The following CTNNA3 variants were observed in gnomAD, a reference collection of about 807,000 sequenced individuals.
CTNNA3 encodes catenin alpha 3, also known as catenin alpha-3.
Under a neutral mutation model 95.7 loss-of-function variants are expected in CTNNA3, and 76 were observed. The ratio of observed to expected loss-of-function variants is 0.79; its 90% CI spans 0.66 to 0.96. The LOEUF (loss-of-function observed/expected upper bound fraction) is 0.96, where lower values mean the gene tolerates loss of function less well. Among genes scored for constraint, CTNNA3 ranks in the 40% least tolerant of loss-of-function variants. CTNNA3 has a pLI of 0.00. For missense variants in CTNNA3, 1,191 were observed against 1,089.8 expected, an observed-to-expected ratio of 1.09 and a Z score of -1.31; for synonymous variants, 431 against 374.4, an observed-to-expected ratio of 1.15 and a Z score of -1.74.
intron 13 of CTNNA3, among the ~76,000 whole-genome samples, chr10:66,278,763 T>C (rs2091443519): frequency 1.3e-5 from 2 of 152,092 alleles, no homozygotes; most frequent in Admixed American, 1.3e-4. Flanking sequence ...TATTCTCAAA[T>C]ATCCACTCAG....
chr10:66,610,478 A>G (rs561208504), intron 10 of CTNNA3, among the ~76,000 whole-genome samples: 11 of 151,798 alleles, frequency 7.2e-5, no homozygotes, highest in South Asian at 2.1e-4. Context: ...CATGTTGGGG[A>G]AAAAAAAGTC....
In CTNNA3 at chr10:67,584,958, C is replaced by T. The variant is rs140686159; in HGVS notation, c.292+21899G>A. ...GGGCGTGTCCTGATTTTCCAGGTAC[C>T]GTCTGTCACGGCTTTCCTTGGCTAA... On this transcript the variant is annotated intron_variant, in intron 3 of 17. Coordinates refer to ENST00000433211, the MANE Select transcript of CTNNA3 (RefSeq NM_013266.4). 4.2e-3 allele frequency among the ~76,000 whole-genome samples: 634 copies of T among 152,260 alleles called. 4 individuals carry two copies. The highest frequency in any genetic ancestry group is 0.014 in the African/African-American group (588 of 41,560).
Position 66,547,631 on chromosome 10 carries a change from T to C in CTNNA3, c.1375-26858A>G, listed in dbSNP as rs1842080405. 7.9e-5 allele frequency among the ~76,000 whole-genome samples: 12 copies of C among 151,686 alleles called. 1 individual carries two copies. The South Asian group carries it at 2.5e-3, about 32-fold the overall frequency. ...TGCTGGGATTACAGGCATGAGCCAC[T>C]GCACCCAGCCTGATTTTTCTATATG... On this transcript the variant is annotated intron_variant, in intron 10 of 17. Coordinates refer to ENST00000433211, the MANE Select transcript of CTNNA3 (RefSeq NM_013266.4).
chr10:66,024,138 G>A (rs2133436805), intron 15 of CTNNA3, among the ~76,000 whole-genome samples: 1 of 125,254 alleles, frequency 8.0e-6, no homozygotes, highest in South Asian at 2.6e-4. Flanking sequence ...CGCCCAGGCT[G>A]GAGTGCAGCG....
chr10:66,592,686 T>C (rs940733793), intron 10 of CTNNA3, among the ~76,000 whole-genome samples: 6 of 151,996 alleles, frequency 3.9e-5, no homozygotes, highest in Non-Finnish European at 5.9e-5. Context: ...TTAGTGTGGG[T>C]TGAAGAATGG....
At chr10:67,397,309 A>C (rs146590371) in intron 5 of CTNNA3, among the ~76,000 whole-genome samples, 1 of 152,166 alleles carries the variant, frequency 6.6e-6, no homozygotes, top group Non-Finnish European at 1.5e-5. Flanking sequence ...ATGGACAATA[A>C]AGTCCAGGCT....
chr10:67,004,304 A>C (rs1851848697), intron 7 of CTNNA3, among the ~76,000 whole-genome samples: 1 of 152,200 alleles, frequency 6.6e-6, no homozygotes, highest in African/African-American at 2.4e-5. Flanking sequence ...GAAAGTCAAA[A>C]CATGGACAAA....
At chr10:67,692,581 T>C (rs1190923940) in intron 1 of CTNNA3, among the ~76,000 whole-genome samples, 1 of 137,350 alleles carries the variant, frequency 7.3e-6, no homozygotes, top group East Asian at 2.0e-4. Flanking sequence ...TAATCTCAAG[T>C]ACCCAGGGAC....
intron 3 of CTNNA3, among the ~76,000 whole-genome samples, chr10:67,550,581 ATTCT>A (rs1488170176): frequency 2.0e-5 from 3 of 151,746 alleles, no homozygotes; most frequent in African/African-American, 7.2e-5. Flanking sequence ...GAATAAAGAA[ATTCT>A]TTTTTTAAAG....
chr10:66,926,262 T>G (rs1404307754), intron 7 of CTNNA3: 1 of 368,464 alleles, frequency 2.7e-6, no homozygotes, highest in Non-Finnish European at 5.1e-6. Context: ...TAGGATCCAG[T>G]TTTTTTTTTA....
At chr10:66,876,278 T>C (rs1190851526) in intron 7 of CTNNA3, among the ~76,000 whole-genome samples, 1 of 152,048 alleles carries the variant, frequency 6.6e-6, no homozygotes, top group African/African-American at 2.4e-5. Context: ...GAGCATATAT[T>C]AGGATAAACA....
At chr10:66,310,356 A>G (rs2092000526) in intron 12 of CTNNA3, among the ~76,000 whole-genome samples, 1 of 152,184 alleles carries the variant, frequency 6.6e-6, no homozygotes, top group Non-Finnish European at 1.5e-5. Flanking sequence ...TTTATCCGAT[A>G]TCATATGGAC....
Position 66,437,842 on chromosome 10 carries a change from C to A in CTNNA3, c.1532-58490G>T, listed in dbSNP as rs537664176. Among the ~76,000 whole-genome samples, 7 of 152,194 alleles carry A rather than the reference C, an allele frequency of 4.6e-5. No individual in the cohort carries two copies. In the South Asian group the frequency reaches 1.2e-3, roughly 27 times the overall value. On this transcript the variant is annotated intron_variant, in intron 11 of 17. Transcript: ENST00000433211. ...TCCTCATCTTTGTGGATTTATCTAC[C>A]TTTGGTCTTTGACGTTGGTGATCTT...
At chr10:66,642,379 T>C (rs1365609027) in intron 9 of CTNNA3, among the ~76,000 whole-genome samples, 2 of 151,900 alleles carry the variant, frequency 1.3e-5, no homozygotes, top group African/African-American at 4.8e-5. Context: ...TACTTGAATA[T>C]ATTCACAGAA....
At chr10:67,560,272 GACTA>G (rs1841454225) in intron 3 of CTNNA3, among the ~76,000 whole-genome samples, 1 of 151,272 alleles carries the variant, frequency 6.6e-6, no homozygotes. Flanking sequence ...AAGCCCAGCA[GACTA>G]ACAGCGGATG....
rs1405065330 is a variant in CTNNA3, at chr10:67,594,442, A to T, written c.292+12415T>A. The stretch of plus-strand genomic sequence containing the variant: ...GATTCAATTTCAGAACTCATTACTG[A>T]TCTGTTCAGGGTTTCAATTTATTCC... On this transcript the variant is annotated intron_variant, in intron 3 of 17. Coordinates refer to ENST00000433211, the MANE Select transcript of CTNNA3 (RefSeq NM_013266.4). 2.0e-5 allele frequency among the ~76,000 whole-genome samples: 3 copies of T among 151,918 alleles called. No homozygotes were observed. In the East Asian group the frequency reaches 5.8e-4, roughly 29 times the overall value.
chr10:65,977,050 G>C (rs141047604), intron 16 of CTNNA3, among the ~76,000 whole-genome samples: 1 of 152,208 alleles, frequency 6.6e-6, no homozygotes, highest in African/African-American at 2.4e-5. Flanking sequence ...TTACGTGAAA[G>C]TGACAGAAAA....
At chr10:67,365,662 A>C (rs1017401882) in intron 5 of CTNNA3, among the ~76,000 whole-genome samples, 2 of 152,354 alleles carry the variant, frequency 1.3e-5, no homozygotes, top group African/African-American at 2.4e-5. Flanking sequence ...AATGCAAATC[A>C]AAACTATGAT....
At position 66,400,672 on chromosome 10, in the gene CTNNA3, A is replaced by G. The variant is rs185318752; in HGVS notation, c.1532-21320T>C. ...TAGCTTTATCCCTCTCTTCCCTGCTATAATATAAACTTGTCTCATCAAGAA... is the reference window on the plus strand; with the variant it reads ...TAGCTTTATCCCTCTCTTCCCTGCTGTAATATAAACTTGTCTCATCAAGAA... On this transcript the variant is annotated intron_variant, in intron 11 of 17. Transcript: ENST00000433211. Among the ~76,000 whole-genome samples, 44 of 152,258 alleles carry G rather than the reference A, an allele frequency of 2.9e-4. 1 individual carries two copies. In the East Asian group the frequency reaches 8.1e-3, roughly 28 times the overall value.
Sources: allele counts gnomAD v4.1 joint callset (sites outside exome capture counted in the v4.1 genomes callset), GRCh38; gene constraint gnomAD v4.1.1; transcripts MANE v1.5; gene names NCBI Gene and HGNC (gene_info 2026-07-23, HGNC 2026-07-21).